Variants in RBM39 observed in about 807,000 individuals in gnomAD.
RBM39 encodes the protein RNA-binding protein 39.
Under a neutral mutation model 79.6 loss-of-function variants are expected in RBM39, and 12 were observed. The ratio of observed to expected loss-of-function variants is 0.15; its 90% CI spans 0.10 to 0.24. The LOEUF (loss-of-function observed/expected upper bound fraction) is 0.24. Ranked by LOEUF, RBM39 falls within the 10% of genes least tolerant of loss-of-function variation. RBM39 has a pLI of 1.00. For missense variants in RBM39, 243 were observed against 653.4 expected, an observed-to-expected ratio of 0.37 and a Z score of 6.85; for synonymous variants, 185 against 208.4, an observed-to-expected ratio of 0.89 and a Z score of 0.97.
chr20:35,727,458 A>C (rs1176676597), intron 6 of RBM39, among the ~76,000 whole-genome samples: 2 of 150,300 alleles, frequency 1.3e-5, no homozygotes, highest in Admixed American at 6.6e-5. Flanking sequence ...CCTTGAACCG[A>C]AATCGTAGAC....
chr20:35,734,153 AGTGCAT>A (rs1424330557), intron 3 of RBM39: 2 of 1,234,856 alleles, frequency 1.6e-6, no homozygotes, highest in African/African-American at 1.6e-5. Flanking sequence ...TCATCTTTAG[AGTGCAT>A]TGAAAATAGA....
intron 3 of RBM39, chr20:35,736,596 C>G (rs1161789837): frequency 6.4e-6 from 3 of 469,492 alleles, no homozygotes; most frequent in South Asian, 4.7e-5. Flanking sequence ...AAAAAGAAAT[C>G]AAATAAATGG....
rs35300439 is a variant in RBM39, at chr20:35,737,848, C to CAAA, written c.101+1117_101+1119dup. Among the ~76,000 whole-genome samples, 281 of 40,390 alleles carry CAAA rather than the reference C, an allele frequency of 7.0e-3. 6 individuals are homozygous for CAAA. The highest frequency in any genetic ancestry group is 0.014 in the East Asian group (14 of 1,032). 26.5% of individuals were successfully genotyped at this position (40,390 alleles called of 152,430 possible). A position where few individuals can be genotyped will look rare whatever the true frequency, so the allele number is the denominator to read the frequency against. ...TGGGCAACAGAGCAAGACTCCGTGT[C>CAAA]AAAAAAAAAAAAAAAAAAAAAAAGG... On this transcript the variant is annotated intron_variant, in intron 3 of 16. Transcript: ENST00000253363.
chr20:35,723,378 G>T (rs2038238513), intron 8 of RBM39, among the ~76,000 whole-genome samples: 1 of 152,144 alleles, frequency 6.6e-6, no homozygotes, highest in Non-Finnish European at 1.5e-5. Flanking sequence ...TCAGCCCTGG[G>T]TCCCGCCAAT....
intron 10 of RBM39, among the ~76,000 whole-genome samples, chr20:35,714,978 T>C (rs1331288277): frequency 6.6e-6 from 1 of 152,192 alleles, no homozygotes; most frequent in Non-Finnish European, 1.5e-5. Flanking sequence ...TGGTGAGCTA[T>C]GTTTCATAAA....
rs577750512 is a variant in RBM39 at position 35,714,489 on chromosome 20, T to C, written c.892-100A>G. Reference sequence around the variant, plus strand: ...TTATATTTTTAGCATATTCAATAATTACTTCTGAATACTAAGGTAGAAACT... The same window carrying C: ...TTATATTTTTAGCATATTCAATAATCACTTCTGAATACTAAGGTAGAAACT... On this transcript the variant is annotated intron_variant, in intron 10 of 16. Transcript: ENST00000253363. The C allele has an allele frequency of 2.1e-4, 296 of 1,379,602 alleles. No homozygotes were observed. The African/African-American group carries it at 3.9e-3, about 18-fold the overall frequency. 85.5% of individuals were successfully genotyped at this position (1,379,602 alleles called of 1,614,324 possible). A position where few individuals can be genotyped will look rare whatever the true frequency, so the allele number is the denominator to read the frequency against.
intron 8 of RBM39, 34 bp from the exon 9 acceptor site, chr20:35,721,911 C>T (rs1172854840): frequency 1.2e-6 from 2 of 1,604,426 alleles, no homozygotes; most frequent in Non-Finnish European, 1.7e-6. Flanking sequence ...ACAGAGATAA[C>T]ACACAGCAGT....
intron 14 of RBM39, among the ~76,000 whole-genome samples, chr20:35,706,342 A>T (rs903429251): frequency 1.3e-5 from 2 of 152,160 alleles, no homozygotes; most frequent in African/African-American, 4.8e-5. Flanking sequence ...TCCAACAAAA[A>T]AAGTTAAATA....
In RBM39 at chr20:35,701,918, T is replaced by TA. The variant is rs1601545992; in HGVS notation, c.*2562dup. 1 of 152,058 alleles carries TA rather than the reference T, an allele frequency of 6.6e-6. No homozygotes were observed. The highest frequency in any genetic ancestry group is 1.9e-4 in the East Asian group (1 of 5,154). 9.4% of individuals were successfully genotyped at this position (152,058 alleles called of 1,614,324 possible). ...CCCGAGGTTGTTATTTAGATATACCTAGTGGCTTTATCAGAAAAAGCAAAA... is the reference window on the plus strand; with the variant it reads ...CCCGAGGTTGTTATTTAGATATACCTAAGTGGCTTTATCAGAAAAAGCAAAA... On this transcript the variant is annotated 3_prime_UTR_variant, in exon 17 of 17. Coordinates refer to ENST00000253363, the MANE Select transcript of RBM39 (RefSeq NM_184234.3).
intron 3 of RBM39, among the ~76,000 whole-genome samples, chr20:35,737,998 A>T (rs1031696232): frequency 8.2e-4 from 120 of 146,650 alleles, no homozygotes; most frequent in African/African-American, 2.7e-3. Flanking sequence ...TACTAAAAAT[A>T]AAAAAAAAAT....
At chr20:35,729,135 A>G (rs992992664) in intron 6 of RBM39, among the ~76,000 whole-genome samples, 177 bp downstream of exon 6, 2 of 152,188 alleles carry the variant, frequency 1.3e-5, no homozygotes, top group African/African-American at 4.8e-5. Context: ...ATATGAAATT[A>G]AAGTGAAAAC....
At chr20:35,705,439 G>T in intron 14 of RBM39, 109 bp from the exon 15 acceptor site, 1 of 657,522 alleles carries the variant, frequency 1.5e-6, no homozygotes, top group Non-Finnish European at 2.5e-6. Flanking sequence ...AAATACTTTG[G>T]AAAAAAAGCA....
intron 6 of RBM39, among the ~76,000 whole-genome samples, chr20:35,726,313 AG>A (rs1401585782): frequency 6.6e-6 from 1 of 151,298 alleles, no homozygotes; most frequent in East Asian, 2.0e-4. Context: ...CTGTATTTTT[AG>A]TAGACATGGG....
chr20:35,717,570 T>C (rs908507105), intron 9 of RBM39, among the ~76,000 whole-genome samples: 8 of 152,208 alleles, frequency 5.3e-5, no homozygotes, highest in Non-Finnish European at 1.0e-4. Flanking sequence ...TACAATGAAT[T>C]TGGCAATAAC....
intron 10 of RBM39, among the ~76,000 whole-genome samples, chr20:35,715,824 C>A (rs2037045326): frequency 6.6e-6 from 1 of 152,078 alleles, no homozygotes; most frequent in Non-Finnish European, 1.5e-5. Context: ...GGTGCACTCC[C>A]CCTGCTAATA....
intron 1 of RBM39, 147 bp from the exon 2 acceptor site, chr20:35,741,034 T>TTTTTTTTTTC (rs2040461326): frequency 1.9e-5 from 6 of 323,908 alleles, no homozygotes; most frequent in African/African-American, 3.3e-5. Context: ...ATTTTTCTTT[T>TTTTTTTTTTC]TTTTTTTTTT....
intron 9 of RBM39, among the ~76,000 whole-genome samples, chr20:35,717,108 G>C: frequency 6.6e-6 from 1 of 151,894 alleles, no homozygotes; most frequent in Admixed American, 6.6e-5. Flanking sequence ...GACGAAATCA[G>C]GTCTCCACCA....
At chr20:35,706,817 C>T (rs988677142) in intron 14 of RBM39, among the ~76,000 whole-genome samples, 39 of 151,890 alleles carry the variant, frequency 2.6e-4, no homozygotes, top group Admixed American at 2.6e-3. Flanking sequence ...CACCTCAGGT[C>T]GGGAGTTTGA....
At chr20:35,714,024 T>TA (rs2036802199) in intron 11 of RBM39, among the ~76,000 whole-genome samples, 161 bp downstream of exon 11, 1 of 152,258 alleles carries the variant, frequency 6.6e-6, no homozygotes, top group Admixed American at 6.5e-5. Flanking sequence ...CATACATTAA[T>TA]ACAAGGCACA....
Sources: gnomAD v4.1 joint callset for allele counts (sites outside exome capture counted in the v4.1 genomes callset) on GRCh38, gnomAD v4.1.1 for gene constraint, MANE v1.5 for transcripts, NCBI Gene and HGNC (gene_info 2026-07-23, HGNC 2026-07-21) for gene names.